ENPP4: variants seen among roughly 807,000 people sequenced by gnomAD.
The protein encoded by ENPP4 is bis(5'-adenosyl)-triphosphatase ENPP4.
Under a neutral mutation model 33.4 loss-of-function variants are expected in ENPP4, and 18 were observed. The ratio of observed to expected loss-of-function variants is 0.54; its 90% confidence interval spans 0.37 to 0.80. ENPP4 has a LOEUF of 0.80. ENPP4 is among the 30% of genes least tolerant of loss of function. The pLI, the probability that ENPP4 is intolerant of heterozygous loss-of-function variation, is 0.00. For synonymous variants in ENPP4, 172 were observed against 189.9 expected, an observed-to-expected ratio of 0.91 and a Z score of 0.78; for missense variants, 480 against 541.7, an observed-to-expected ratio of 0.89 and a Z score of 1.13.
At chr6:46,141,727 A>C (rs555838236) in intron 3 of ENPP4, among the ~76,000 whole-genome samples, 1 of 151,830 alleles carries the variant, frequency 6.6e-6, no homozygotes, top group Admixed American at 6.6e-5. Context: ...CTCCTAAAAA[A>C]TATATAGGGG....
In ENPP4 at chr6:46,145,410, T is replaced by G. The variant is rs996896651; in HGVS notation, c.*1770T>G. The stretch of plus-strand genomic sequence containing the variant: ...AGTACTAATTTTGCTTTAAAAAAAT[T>G]TCTAATTTTTTTCACATAAAACAAT... On this transcript the variant is annotated 3_prime_UTR_variant, in exon 4 of 4. Transcript: ENST00000321037. The G allele has an allele frequency of 2.0e-5, 3 of 152,462 alleles. No homozygotes were observed. The highest frequency in any genetic ancestry group is 7.2e-5 in the African/African-American group (3 of 41,426). The allele number at this position is 152,462 out of a possible 1,614,324, so 9.4% of individuals were successfully genotyped here.
chr6:46,132,488 G>A (rs1763914558), intron 1 of ENPP4, among the ~76,000 whole-genome samples: 1 of 152,058 alleles, frequency 6.6e-6, no homozygotes, highest in Admixed American at 6.5e-5. Flanking sequence ...TATTTCTGAG[G>A]GCTCTGTTCT....
chr6:46,134,986 A>G (rs1763957623), intron 1 of ENPP4, among the ~76,000 whole-genome samples: 1 of 152,074 alleles, frequency 6.6e-6, no homozygotes, highest in African/African-American at 2.4e-5. Flanking sequence ...CATTTAGCGT[A>G]TTTATCCAGG....
rs756497801 is a variant in ENPP4 at position 46,140,222 on chromosome 6, T to G, written c.639T>G (p.Leu213=). ...MSRVLKKIDD[L]IGDLVQRLKM... is the part of the protein sequence containing the mutation. ...GAGTGTTGAAAAAAATAGATGATCT[T>G]ATCGGTGACTTAGTCCAAAGACTCA... Residue 213 remains leucine, a synonymous_variant, in exon 2 of 4, where the codon CTT becomes CTG. Coordinates refer to ENST00000321037, the MANE Select transcript of ENPP4 (RefSeq NM_014936.5). The G allele has an allele frequency of 6.2e-7, 1 of 1,612,634 alleles. No individual in the cohort carries two copies. Among genetic ancestry groups the G allele is most frequent in the South Asian group, 1.1e-5 (1 of 91,032 alleles).
At chr6:46,137,091 G>A (rs1297176399) in intron 1 of ENPP4, among the ~76,000 whole-genome samples, 1 of 151,838 alleles carries the variant, frequency 6.6e-6, no homozygotes, top group Non-Finnish European at 1.5e-5. Context: ...CTGTTTTAAA[G>A]GGTTGGGAAC....
intron 1 of ENPP4, among the ~76,000 whole-genome samples, 175 bp from the exon 2 acceptor site, chr6:46,139,376 C>CA (rs1398796399): frequency 8.6e-6 from 1 of 116,276 alleles, no homozygotes; most frequent in Non-Finnish European, 2.1e-5. Context: ...TTGGACAAGA[C>CA]AATTTTTTTT....
rs1408650643 is a variant in ENPP4, at chr6:46,139,705, T to G, written c.122T>G (p.Leu41Arg). 6.2e-7 allele frequency: 1 copy of G among 1,611,056 alleles called. No homozygotes were observed. Among genetic ancestry groups the G allele is most frequent in the Non-Finnish European group, 8.5e-7 (1 of 1,178,016 alleles). ...VSFDGFRADY[L>R]KNYEFPHLQN... ...TTTGATGGCTTCAGAGCTGATTATC[T>G]GAAGAACTATGAATTTCCTCATCTC... Residue 41 changes from leucine (L) to arginine (R), a missense_variant, in exon 2 of 4, where the codon CTG (leucine) becomes CGG (arginine). Around this residue, in one of 3 missense-constraint regions of ENPP4, gnomAD observed 227 missense variants for 273.7 expected, o/e 0.83. Transcript: ENST00000321037.
rs529466294 is a variant in ENPP4, at chr6:46,144,308, A to C, written c.*668A>C. On this transcript the variant is annotated 3_prime_UTR_variant, in exon 4 of 4. Transcript: ENST00000321037. The stretch of plus-strand genomic sequence containing the variant: ...ATTATGTCTTAAGCTGTTAGTCTTA[A>C]AGATTATTGTTAAAAAATTCAGAAG... The C allele has an allele frequency of 3.3e-5, 5 of 151,842 alleles. No individual in the cohort carries two copies. The highest frequency in any genetic ancestry group is 7.4e-5 in the Non-Finnish European group (5 of 67,848). The allele number at this position is 151,842 out of a possible 1,614,324, so 9.4% of individuals were successfully genotyped here.
Position 46,133,028 on chromosome 6 carries a change from T to C in ENPP4, c.-34+2839T>C, listed in dbSNP as rs1212209599. 5.3e-5 allele frequency among the ~76,000 whole-genome samples: 8 copies of C among 152,296 alleles called. No homozygotes were observed. In the East Asian group the frequency reaches 1.5e-3, roughly 29 times the overall value. On this transcript the variant is annotated intron_variant, in intron 1 of 3. Transcript: ENST00000321037. ...ATCCTGAGACTTTGCTGAAGTTGCT[T>C]ATCAGCTTAAGGAGATTCTGGGCTG...
chr6:46,144,792 G>A lies in ENPP4; in HGVS notation c.*1152G>A, dbSNP rs1764120236. ...GTTAAGAAATTTTAAACAAAATTTA[G>A]TATCTTTTGGTCTTTCACACCATTC... On this transcript the variant is annotated 3_prime_UTR_variant, in exon 4 of 4. Transcript: ENST00000321037. 1 of 388,232 alleles carries A rather than the reference G, an allele frequency of 2.6e-6. No homozygotes were observed. Among genetic ancestry groups the A allele is most frequent in the South Asian group, 1.4e-4 (1 of 7,054 alleles). 24.0% of individuals were successfully genotyped at this position (388,232 alleles called of 1,614,324 possible).
intron 3 of ENPP4, among the ~76,000 whole-genome samples, chr6:46,142,577 A>T (rs1482905047): frequency 6.6e-6 from 1 of 150,718 alleles, no homozygotes; most frequent in Non-Finnish European, 1.5e-5. Flanking sequence ...TATTTCAAAC[A>T]TACCACCAAA....
At chr6:46,133,327 T>A (rs2127491788) in intron 1 of ENPP4, among the ~76,000 whole-genome samples, 1 of 152,350 alleles carries the variant, frequency 6.6e-6, no homozygotes, top group South Asian at 2.1e-4. Flanking sequence ...TTCCTTAGAC[T>A]ATAAGAAAGC....
intron 1 of ENPP4, among the ~76,000 whole-genome samples, chr6:46,137,523 A>G (rs563223906): frequency 6.6e-6 from 1 of 151,882 alleles, no homozygotes; most frequent in African/African-American, 2.4e-5. Context: ...GAGTTAAGTC[A>G]TACATAAACA....
rs750224371 is a variant in ENPP4 at position 46,141,180 on chromosome 6, G to A, written c.955G>A (p.Asp319Asn). 28 of 1,609,156 alleles carry A rather than the reference G, an allele frequency of 1.7e-5. No homozygotes were observed. In the Admixed American group the frequency reaches 3.0e-4, roughly 17 times the overall value. Reference sequence around the variant, plus strand: ...AATTCAGCCCATTATTTTGGTTGCCGATGAAGGCTGGACAATTGTGCTAAA... The same window carrying A: ...AATTCAGCCCATTATTTTGGTTGCCAATGAAGGCTGGACAATTGTGCTAAA... ...DRIQPIILVA[D>N]EGWTIVLNES... Residue 319 changes from aspartate to asparagine, a missense_variant, in exon 3 of 4, where the codon GAT becomes AAT. Physicochemically the swap from Asp to Asn is conservative, Grantham distance 23. Coordinates refer to ENST00000321037, the MANE Select transcript of ENPP4 (RefSeq NM_014936.5).
chr6:46,141,304 C>G, intron 3 of ENPP4, 82 bp downstream of exon 3: 1 of 989,150 alleles, frequency 1.0e-6, no homozygotes. Context: ...GAGGGTACTT[C>G]GATTTAAAGA....
At chr6:46,138,394 A>G (rs373174003) in intron 1 of ENPP4, among the ~76,000 whole-genome samples, 30 of 151,990 alleles carry the variant, frequency 2.0e-4, no homozygotes, top group African/African-American at 7.2e-4. Flanking sequence ...GTTGCTAGAG[A>G]AAACCAGTCA....
chr6:46,142,604 A>G (rs893233622), intron 3 of ENPP4, among the ~76,000 whole-genome samples: 1 of 151,170 alleles, frequency 6.6e-6, no homozygotes, highest in East Asian at 1.9e-4. Context: ...TATAACAAAT[A>G]TCAGTATACT....
At position 46,132,778 on chromosome 6, in the gene ENPP4, A is replaced by G. The variant is rs1229205517; in HGVS notation, c.-34+2589A>G. Among the ~76,000 whole-genome samples, 4 of 152,194 alleles carry G rather than the reference A, an allele frequency of 2.6e-5. 1 individual carries two copies. Among genetic ancestry groups the G allele is most frequent in the Middle Eastern group, 6.8e-3 (2 of 294 alleles). On this transcript the variant is annotated intron_variant, in intron 1 of 3. Transcript: ENST00000321037. Reference sequence around the variant, plus strand: ...CATTTTCACGATATTGATTCTTCCTACCCATGAGCATGGAATGTTCTTCCA... The same window carrying G: ...CATTTTCACGATATTGATTCTTCCTGCCCATGAGCATGGAATGTTCTTCCA...
chr6:46,135,137 G>A (rs1763958861), intron 1 of ENPP4, among the ~76,000 whole-genome samples: 1 of 152,012 alleles, frequency 6.6e-6, no homozygotes, highest in African/African-American at 2.4e-5. Flanking sequence ...ATGCTGCTGT[G>A]AACATTTGTG....
Sources: gnomAD v4.1 joint callset for allele counts (sites outside exome capture counted in the v4.1 genomes callset) on GRCh38, gnomAD v4.1.1 for gene constraint, gnomAD v4.1.1 regional missense constraint, MANE v1.5 for transcripts, NCBI Gene and HGNC (gene_info 2026-07-23, HGNC 2026-07-21) for gene names.